The following EPHA5 variants were observed in gnomAD, a reference collection of about 807,000 sequenced individuals.
EPHA5 encodes the protein ephrin type-A receptor 5.
EPHA5 carries 60 observed loss-of-function variants against 105.0 expected under a neutral mutation model. The observed-to-expected ratio is 0.57, with a 90% CI of 0.46 to 0.71. EPHA5 has a LOEUF of 0.71. Among genes scored for constraint, EPHA5 ranks in the 30% least tolerant of loss-of-function variants. EPHA5 has a pLI of 0.00. For synonymous variants in EPHA5, 513 were observed against 449.1 expected (o/e 1.14, Z -1.80); for missense variants, 1,218 against 1,274.7 (o/e 0.96, Z 0.68).
In EPHA5 at chr4:65,606,183, A is replaced by G. The variant is rs931580620; in HGVS notation, c.247-3879T>C. ...CAATAAGTCTTTTTTTTCTTTTGCT[A>G]TATATTTTAATACTCAACCCCAATA... On this transcript the variant is annotated intron_variant, in intron 2 of 16. Transcript: ENST00000613740. 9.2e-5 allele frequency among the ~76,000 whole-genome samples: 14 copies of G among 152,154 alleles called. No homozygotes were observed. The East Asian group carries it at 2.5e-3, about 27-fold the overall frequency.
chr4:65,524,489 C>T (rs574133092), intron 3 of EPHA5, among the ~76,000 whole-genome samples: 2 of 151,716 alleles, frequency 1.3e-5, no homozygotes, highest in African/African-American at 4.8e-5. Flanking sequence ...TATGTTTTCT[C>T]TCTCCAAACT....
intron 14 of EPHA5, among the ~76,000 whole-genome samples, chr4:65,337,584 A>G (rs1425429930): frequency 1.3e-5 from 2 of 152,142 alleles, no homozygotes; most frequent in African/African-American, 2.4e-5. Context: ...ATTCAAGCCT[A>G]TCACATTTGA....
chr4:65,360,714 C>T (rs1430521424), intron 11 of EPHA5, among the ~76,000 whole-genome samples: 2 of 151,486 alleles, frequency 1.3e-5, no homozygotes, highest in East Asian at 3.9e-4. Flanking sequence ...TTCTTAAAAG[C>T]CCATGGTTTT....
At chr4:65,407,754 T>A (rs1036086192) in intron 7 of EPHA5, among the ~76,000 whole-genome samples, 2 of 151,552 alleles carry the variant, frequency 1.3e-5, no homozygotes, top group Non-Finnish European at 2.9e-5. Flanking sequence ...TGATGGGTTT[T>A]ACATTTTCTT....
chr4:65,505,150 G>A lies in EPHA5; in HGVS notation c.911-9607C>T, dbSNP rs551222842. ...AGAATTGGAAAGAAGTATTTCTGCTGTCAAAATGAACAGACTTGGAAAGAA... is the reference window on the plus strand; with the variant it reads ...AGAATTGGAAAGAAGTATTTCTGCTATCAAAATGAACAGACTTGGAAAGAA... On this transcript the variant is annotated intron_variant, in intron 3 of 16. Transcript: ENST00000613740. Among the ~76,000 whole-genome samples, 340 of 152,144 alleles carry A rather than the reference G, an allele frequency of 2.2e-3. 1 individual carries two copies. The highest frequency in any genetic ancestry group is 6.2e-3 in the African/African-American group (256 of 41,550).
At chr4:65,352,318 A>G (rs1006219865) in intron 12 of EPHA5, among the ~76,000 whole-genome samples, 1 of 152,026 alleles carries the variant, frequency 6.6e-6, no homozygotes, top group Non-Finnish European at 1.5e-5. Flanking sequence ...AATTGTTATC[A>G]ATGCCATTGG....
intron 7 of EPHA5, among the ~76,000 whole-genome samples, chr4:65,406,014 T>G (rs544264194): frequency 9.9e-5 from 15 of 152,254 alleles, no homozygotes; most frequent in African/African-American, 3.4e-4. Context: ...CTTAATTCTC[T>G]AATTAATTTC....
intron 8 of EPHA5, among the ~76,000 whole-genome samples, chr4:65,373,475 A>T (rs2148910858): frequency 6.6e-6 from 1 of 152,028 alleles, no homozygotes; most frequent in Non-Finnish European, 1.5e-5. Flanking sequence ...TGAAAATAAA[A>T]ATCTTCTCAT....
At chr4:65,378,810 G>A (rs532927404) in intron 8 of EPHA5, among the ~76,000 whole-genome samples, 1 of 151,252 alleles carries the variant, frequency 6.6e-6, no homozygotes, top group Admixed American at 6.6e-5. Flanking sequence ...TTTTTGCATG[G>A]TTTAAACACA....
chr4:65,544,537 A>C (rs569936046), intron 3 of EPHA5, among the ~76,000 whole-genome samples: 2 of 152,196 alleles, frequency 1.3e-5, no homozygotes, highest in Non-Finnish European at 2.9e-5. Flanking sequence ...ATACCATCTC[A>C]TTCCAGTCAG....
At chr4:65,410,789 C>A (rs937619888) in intron 7 of EPHA5, among the ~76,000 whole-genome samples, 2 of 152,050 alleles carry the variant, frequency 1.3e-5, no homozygotes, top group Non-Finnish European at 2.9e-5. Context: ...AACACAATAT[C>A]ATTATTTCCT....
intron 8 of EPHA5, among the ~76,000 whole-genome samples, chr4:65,403,637 C>A (rs984385801): frequency 6.6e-6 from 1 of 151,632 alleles, no homozygotes; most frequent in Non-Finnish European, 1.5e-5. Flanking sequence ...TACTTTATTG[C>A]ATTTTATTTT....
rs996825037 is a variant in EPHA5 at position 65,548,696 on chromosome 4, C to T, written c.910+52945G>A. On this transcript the variant is annotated intron_variant, in intron 3 of 16. Coordinates refer to ENST00000613740, the MANE Select transcript of EPHA5 (RefSeq NM_001281766.3). ...TTCTGGACTATTTTTACATGAATATCCATATAACACTTAGCCTTGGATGAC... is the reference window on the plus strand; with the variant it reads ...TTCTGGACTATTTTTACATGAATATTCATATAACACTTAGCCTTGGATGAC... 2.0e-5 allele frequency among the ~76,000 whole-genome samples: 3 copies of T among 152,174 alleles called. 1 individual carries two copies. The highest frequency in any genetic ancestry group is 4.1e-4 in the South Asian group (2 of 4,828).
intron 2 of EPHA5, among the ~76,000 whole-genome samples, chr4:65,621,307 T>C (rs1212174543): frequency 6.6e-6 from 1 of 152,120 alleles, no homozygotes; most frequent in Non-Finnish European, 1.5e-5. Context: ...GCAGCATATG[T>C]CACTGTGGCC....
chr4:65,409,164 G>C (rs1722666481), intron 7 of EPHA5, among the ~76,000 whole-genome samples: 1 of 118,792 alleles, frequency 8.4e-6, no homozygotes, highest in African/African-American at 3.2e-5. Context: ...CACAGGAAGG[G>C]GAACATCACA....
At chr4:65,519,598 C>T (rs944094311) in intron 3 of EPHA5, among the ~76,000 whole-genome samples, 3 of 151,924 alleles carry the variant, frequency 2.0e-5, no homozygotes, top group Non-Finnish European at 2.9e-5. Flanking sequence ...TCCCTGTTTG[C>T]AGATGACATG....
intron 3 of EPHA5, among the ~76,000 whole-genome samples, chr4:65,566,948 T>C (rs1411677622): frequency 6.6e-6 from 1 of 151,626 alleles, no homozygotes; most frequent in Non-Finnish European, 1.5e-5. Flanking sequence ...TATTTATGCA[T>C]GGTCAACCTC....
chr4:65,621,009 T>A (rs1002239051), intron 2 of EPHA5, among the ~76,000 whole-genome samples: 2 of 152,146 alleles, frequency 1.3e-5, no homozygotes, highest in African/African-American at 4.8e-5. Flanking sequence ...TTTATATGTA[T>A]CTCTATGGAC....
intron 6 of EPHA5, among the ~76,000 whole-genome samples, chr4:65,419,302 C>T (rs1425156607): frequency 6.6e-6 from 1 of 152,134 alleles, no homozygotes; most frequent in African/African-American, 2.4e-5. Flanking sequence ...TATTCTCCCT[C>T]TCTTTTCCAA....
Sources: allele counts gnomAD v4.1 joint callset (sites outside exome capture counted in the v4.1 genomes callset), GRCh38; gene constraint gnomAD v4.1.1; transcripts MANE v1.5; gene names NCBI Gene and HGNC (gene_info 2026-07-23, HGNC 2026-07-21).